PDE2A: variants seen among roughly 807,000 people sequenced by gnomAD.
PDE2A encodes the protein phosphodiesterase 2A, also known as cGMP-dependent 3',5'-cyclic phosphodiesterase.
PDE2A carries 53 observed loss-of-function variants against 133.6 expected under a neutral mutation model. The observed-to-expected ratio is 0.40, with a 90% CI of 0.32 to 0.50. The LOEUF (loss-of-function observed/expected upper bound fraction) is 0.50, where lower values mean the gene tolerates loss of function less well. Ranked by LOEUF, PDE2A falls within the 20% of genes least tolerant of loss-of-function variation. The pLI, the probability that PDE2A is intolerant of heterozygous loss-of-function variation, is 0.73. For synonymous variants in PDE2A, 491 were observed against 490.2 expected, an observed-to-expected ratio of 1.00 and a Z score of -0.02; for missense variants, 796 against 1,232.4, an observed-to-expected ratio of 0.65 and a Z score of 5.30.
At chr11:72,641,042 C>T (rs1458591960) in intron 2 of PDE2A, among the ~76,000 whole-genome samples, 2 of 152,218 alleles carry the variant, frequency 1.3e-5, no homozygotes, top group Non-Finnish European at 2.9e-5. Context: ...GCCCGTGCTA[C>T]ACACAGACAG....
In PDE2A at chr11:72,578,630, G is replaced by C; in HGVS notation, c.2470-116C>G. 1.1e-6 allele frequency: 1 copy of C among 939,576 alleles called. No individual in the cohort carries two copies. The highest frequency in any genetic ancestry group is 1.7e-6 in the Non-Finnish European group (1 of 590,516). The allele number at this position is 939,576 out of a possible 1,614,324, so 58.2% of individuals were successfully genotyped here. ...GCCCAGGGATTCAGTCCCAGCTCAG[G>C]AGCCGTCCCCACCAGCCCCAGCTTG... On this transcript the variant is annotated intron_variant, in intron 28 of 30. Transcript: ENST00000334456. This position sits in a 1 kb window ranked among gnomAD's most constrained non-coding sequence, Gnocchi z 4.2.
At chr11:72,580,773 G>T in intron 24 of PDE2A, 113 bp downstream of exon 24, 1 of 955,714 alleles carries the variant, frequency 1.0e-6, no homozygotes, top group African/African-American at 1.6e-5. Flanking sequence ...CTCCTCCTGT[G>T]TCTAAACCTG....
intron 2 of PDE2A, among the ~76,000 whole-genome samples, chr11:72,626,562 G>A (rs1444670521): frequency 6.6e-6 from 1 of 152,180 alleles, no homozygotes; most frequent in East Asian, 1.9e-4. Context: ...TGCCTACAGC[G>A]CGGCCCCTCC....
At chr11:72,622,175 C>T (rs1180897324) in intron 2 of PDE2A, among the ~76,000 whole-genome samples, 10 of 48,456 alleles carry the variant, frequency 2.1e-4, no homozygotes, top group Non-Finnish European at 5.0e-4. Flanking sequence ...AGGATGGCTA[C>T]CATTAAAAAA....
chr11:72,644,372 C>G (rs1859070736), intron 1 of PDE2A, among the ~76,000 whole-genome samples: 1 of 152,266 alleles, frequency 6.6e-6, no homozygotes, highest in African/African-American at 2.4e-5. Flanking sequence ...GTTCTGGCCC[C>G]CACAGGGCCT....
intron 4 of PDE2A, among the ~76,000 whole-genome samples, chr11:72,602,657 G>A (rs905367354): frequency 3.9e-5 from 6 of 152,354 alleles, no homozygotes; most frequent in Non-Finnish European, 7.4e-5. Context: ...CTAATCATTG[G>A]TTGGGACTTG....
At chr11:72,648,696 C>A (rs183844437) in intron 1 of PDE2A, among the ~76,000 whole-genome samples, 1 of 152,142 alleles carries the variant, frequency 6.6e-6, no homozygotes, top group Non-Finnish European at 1.5e-5. Flanking sequence ...CCAGGGGGCT[C>A]GAGCCCCAGC....
At chr11:72,635,615 C>A (rs1241046398) in intron 2 of PDE2A, among the ~76,000 whole-genome samples, 1 of 152,182 alleles carries the variant, frequency 6.6e-6, no homozygotes, top group Admixed American at 6.5e-5. Context: ...ACTAACAATT[C>A]CAGATTCTCA....
Position 72,592,600 on chromosome 11 carries a change from G to A in PDE2A, c.490-1244C>T, listed in dbSNP as rs115771177. Reference sequence around the variant, plus strand: ...ACCTTGAAGAGACCAGGACACTGGCGGTAGGTGGTGCGGGGAGATGAGGAT... The same window carrying A: ...ACCTTGAAGAGACCAGGACACTGGCAGTAGGTGGTGCGGGGAGATGAGGAT... On this transcript the variant is annotated intron_variant, in intron 6 of 30. Transcript: ENST00000334456. Among the ~76,000 whole-genome samples, 782 of 152,308 alleles carry A rather than the reference G, an allele frequency of 5.1e-3. 4 individuals carry two copies. Among genetic ancestry groups the A allele is most frequent in the African/African-American group, 0.018 (745 of 41,564 alleles).
chr11:72,649,785 A>G (rs1854675108), intron 1 of PDE2A, among the ~76,000 whole-genome samples: 1 of 152,164 alleles, frequency 6.6e-6, no homozygotes, highest in Non-Finnish European at 1.5e-5. Flanking sequence ...CCACAGCGCC[A>G]TCCTGTCAAC....
chr11:72,580,308 C>T (rs752250141), intron 25 of PDE2A, among the ~76,000 whole-genome samples: 2 of 152,142 alleles, frequency 1.3e-5, no homozygotes, highest in Non-Finnish European at 2.9e-5. Context: ...GGGAGTGGAG[C>T]CCATCCCAAG....
intron 2 of PDE2A, among the ~76,000 whole-genome samples, chr11:72,611,609 G>A (rs1439971819): frequency 6.6e-6 from 1 of 152,156 alleles, no homozygotes; most frequent in Non-Finnish European, 1.5e-5. Flanking sequence ...GGGGAGAGTT[G>A]GGGCAGCAGC....
intron 2 of PDE2A, among the ~76,000 whole-genome samples, chr11:72,619,478 T>C (rs968949195): frequency 6.6e-6 from 1 of 152,208 alleles, no homozygotes; most frequent in African/African-American, 2.4e-5. Context: ...TCTGTGTCTC[T>C]GTAGGAATCT....
At chr11:72,664,364 A>ATTTTTT (rs34217943) in intron 1 of PDE2A, among the ~76,000 whole-genome samples, 3,127 of 70,078 alleles carry the variant, frequency 0.045, 406 homozygotes, top group East Asian at 0.055. Context: ...CCCTTGAAGG[A>ATTTTTT]TTTTTTTTTT....
At chr11:72,651,574 T>C (rs1267659635) in intron 1 of PDE2A, among the ~76,000 whole-genome samples, 1 of 152,178 alleles carries the variant, frequency 6.6e-6, no homozygotes, top group Admixed American at 6.5e-5. Flanking sequence ...GACCCCGTTT[T>C]CTCACTTCTA....
intron 1 of PDE2A, chr11:72,668,481 C>T: frequency 1.4e-6 from 1 of 704,144 alleles, no homozygotes; most frequent in Non-Finnish European, 2.6e-6. Flanking sequence ...ATCCCTGCTC[C>T]TACCTGCACC....
At chr11:72,605,954 G>A (rs914831980) in intron 3 of PDE2A, among the ~76,000 whole-genome samples, 1 of 152,124 alleles carries the variant, frequency 6.6e-6, no homozygotes, top group Non-Finnish European at 1.5e-5. Context: ...AGGTCAGTAG[G>A]GCTGAGTGGG....
chr11:72,588,927 G>A lies in PDE2A; in HGVS notation c.940-13C>T. ...GTTGTACATCCTCCTGCAAAGGCGA[G>A]GCAAGTCAGGGCAGGGAAGCAGGGC... On this transcript the variant is annotated splice_polypyrimidine_tract_variant and intron_variant, in intron 12 of 30. Coordinates refer to ENST00000334456, the MANE Select transcript of PDE2A (RefSeq NM_002599.5). The A allele has an allele frequency of 6.3e-7, 1 of 1,592,584 alleles. No individual in the cohort carries two copies. The highest frequency in any genetic ancestry group is 8.6e-7 in the Non-Finnish European group (1 of 1,165,112).
intron 2 of PDE2A, among the ~76,000 whole-genome samples, chr11:72,622,568 T>C (rs1050340889): frequency 4.6e-5 from 7 of 152,256 alleles, no homozygotes; most frequent in African/African-American, 1.2e-4. Context: ...GAAGACGTTA[T>C]GCTAAGTAAA....
Sources: allele counts gnomAD v4.1 joint callset (sites outside exome capture counted in the v4.1 genomes callset), GRCh38; gene constraint gnomAD v4.1.1; non-coding constraint Gnocchi (gnomAD v3.1); transcripts MANE v1.5; gene names NCBI Gene and HGNC (gene_info 2026-07-23, HGNC 2026-07-21).